Variants in NCOA6 observed in about 807,000 individuals in gnomAD.
NCOA6 encodes the protein nuclear receptor coactivator 6, also known as NRC RAP250.
In NCOA6, 49 loss-of-function variants were observed where a neutral mutation model predicts 171.4. That is an observed-to-expected ratio of 0.29 (90% CI 0.23 to 0.36). NCOA6 has a LOEUF of 0.36. Among genes scored for constraint, NCOA6 ranks in the 10% least tolerant of loss-of-function variants. The probability of loss-of-function intolerance (pLI) is 1.00; values close to 1 mark genes in which losing one functional copy is unlikely to be tolerated. For synonymous variants in NCOA6, 910 were observed against 927.5 expected (o/e 0.98, Z 0.34); for missense variants, 2,248 against 2,554.5 (o/e 0.88, Z 2.59).
chr20:34,782,082 A>T, intron 3 of NCOA6, 39 bp downstream of exon 3: 1 of 1,392,760 alleles, frequency 7.2e-7, no homozygotes, highest in Non-Finnish European at 9.8e-7. Flanking sequence ...AACATTTCAA[A>T]AACAGTAACA....
In NCOA6 at chr20:34,750,116, C is replaced by A. The variant is rs767774471; in HGVS notation, c.2079G>T (p.Ala693=). 21 of 1,614,116 alleles carry A rather than the reference C, an allele frequency of 1.3e-5. No homozygotes were observed. Among genetic ancestry groups the A allele is most frequent in the Non-Finnish European group, 1.8e-5 (21 of 1,180,016 alleles). The change falls in exon 9 of 15, where the codon GCG becomes GCT. Residue 693 remains alanine (A), a synonymous_variant. Transcript: ENST00000359003. ...GAGGCCCCATCATCTGGTTATGTGGCGCCATCATTTGTGGGCCCTGCTGGG... is the reference window on the plus strand; with the variant it reads ...GAGGCCCCATCATCTGGTTATGTGGAGCCATCATTTGTGGGCCCTGCTGGG... ...MLSQQGPQMM[A]PHNQMMGPQG...
intron 8 of NCOA6, among the ~76,000 whole-genome samples, chr20:34,751,817 C>T (rs1312765391): frequency 6.6e-6 from 1 of 152,170 alleles, no homozygotes; most frequent in African/African-American, 2.4e-5. Flanking sequence ...TAGCTACTTG[C>T]ATTATCTCCC....
At chr20:34,737,085 C>A (rs2075979799) in intron 11 of NCOA6, among the ~76,000 whole-genome samples, 1 of 152,038 alleles carries the variant, frequency 6.6e-6, no homozygotes, top group Admixed American at 6.6e-5. Flanking sequence ...TGAAAAAGCC[C>A]CAAAGCATAT....
Position 34,776,435 on chromosome 20 carries a change from T to C in NCOA6, c.249A>G (p.Leu83=). Residue 83 remains leucine (L), a synonymous_variant, in exon 4 of 15, where the codon CTA becomes CTG. Coordinates refer to ENST00000359003, the MANE Select transcript of NCOA6 (RefSeq NM_014071.5). ...PNLLHMESSK[L]KVQKVEPWNS... The stretch of plus-strand genomic sequence containing the variant: ...TCCAGGGCTCCACCTTCTGTACTTT[T>C]AGCTTGCTGGACTCTTGATTGTGAA... The C allele has an allele frequency of 3.1e-6, 5 of 1,614,044 alleles. No individual in the cohort carries two copies. Among genetic ancestry groups the C allele is most frequent in the Non-Finnish European group, 4.2e-6 (5 of 1,179,982 alleles).
intron 5 of NCOA6, among the ~76,000 whole-genome samples, chr20:34,764,548 T>C (rs1011755439): frequency 2.6e-5 from 4 of 151,122 alleles, no homozygotes; most frequent in Non-Finnish European, 5.9e-5. Flanking sequence ...TAGCCAGACA[T>C]GGTGGTGGGC....
intron 10 of NCOA6, among the ~76,000 whole-genome samples, chr20:34,744,983 T>C (rs1189102303): frequency 2.6e-5 from 4 of 151,824 alleles, no homozygotes; most frequent in Admixed American, 6.6e-5. Flanking sequence ...TGCTACAGAG[T>C]CCAGAAGCTG....
intron 8 of NCOA6, among the ~76,000 whole-genome samples, chr20:34,752,066 C>T (rs1262394012): frequency 6.6e-6 from 1 of 152,150 alleles, no homozygotes; most frequent in African/African-American, 2.4e-5. Context: ...GCATGTTGGT[C>T]AGGCTGGTCT....
At chr20:34,718,244 C>T (rs185774677) in intron 14 of NCOA6, among the ~76,000 whole-genome samples, 2 of 152,242 alleles carry the variant, frequency 1.3e-5, no homozygotes, top group South Asian at 4.1e-4. Flanking sequence ...ATCACCTTCC[C>T]TGGATAAATC....
chr20:34,750,140 G>T lies in NCOA6; in HGVS notation c.2055C>A (p.Ser685=), dbSNP rs755024381. 3.7e-6 allele frequency: 6 copies of T among 1,613,924 alleles called. No individual in the cohort carries two copies. In the African/African-American group the frequency reaches 8.0e-5, roughly 22 times the overall value. The stretch of plus-strand genomic sequence containing the variant: ...GCGCCATCATTTGTGGGCCCTGCTG[G>T]GAAAGCATCTGCTTGGGTGGGGTCA... ...QRMTPPKQML[S]QQGPQMMAPH... Residue 685 remains serine (S), a synonymous_variant, in exon 9 of 15, where the codon TCC becomes TCA. Coordinates refer to ENST00000359003, the MANE Select transcript of NCOA6 (RefSeq NM_014071.5).
chr20:34,715,179 A>G lies in NCOA6; in HGVS notation c.*143T>C. 3 of 1,067,958 alleles carry G rather than the reference A, an allele frequency of 2.8e-6. No homozygotes were observed. Among genetic ancestry groups the G allele is most frequent in the Non-Finnish European group, 4.2e-6 (3 of 721,782 alleles). The allele number at this position is 1,067,958 out of a possible 1,614,324, so 66.2% of individuals were successfully genotyped here. On this transcript the variant is annotated 3_prime_UTR_variant, in exon 15 of 15. Coordinates refer to ENST00000359003, the MANE Select transcript of NCOA6 (RefSeq NM_014071.5). ...CCTGCTTTCCCCATTGCACTTTATG[A>G]AACAGGTTGCAGGGACTAGGAAAAG...
intron 1 of NCOA6, among the ~76,000 whole-genome samples, chr20:34,816,288 T>C (rs959187268): frequency 1.3e-5 from 2 of 152,140 alleles, no homozygotes; most frequent in African/African-American, 4.8e-5. Flanking sequence ...AATATGTTAG[T>C]CTTAACTCTC....
At chr20:34,724,372 G>C (rs563081302) in intron 14 of NCOA6, among the ~76,000 whole-genome samples, 15 of 152,286 alleles carry the variant, frequency 9.8e-5, no homozygotes, top group African/African-American at 3.6e-4. Context: ...TGACATTCTT[G>C]CCTAGAGACA....
intron 3 of NCOA6, among the ~76,000 whole-genome samples, chr20:34,781,361 A>G (rs2146192512): frequency 6.6e-6 from 1 of 152,362 alleles, no homozygotes; most frequent in Middle Eastern, 3.4e-3. Flanking sequence ...AGAATAGAGA[A>G]CATCTAAATC....
intron 1 of NCOA6, among the ~76,000 whole-genome samples, chr20:34,799,964 T>C (rs895557853): frequency 2.6e-5 from 4 of 152,276 alleles, no homozygotes; most frequent in Admixed American, 2.6e-4. Context: ...AACACTGTAA[T>C]TGTAGTGTAT....
At chr20:34,751,526 G>C (rs534365790) in intron 8 of NCOA6, among the ~76,000 whole-genome samples, 1 of 152,116 alleles carries the variant, frequency 6.6e-6, no homozygotes, top group South Asian at 2.1e-4. Flanking sequence ...GCACTTCAAA[G>C]AAAATAACAC....
intron 13 of NCOA6, among the ~76,000 whole-genome samples, chr20:34,730,735 TAG>T (rs1990513103): frequency 7.2e-6 from 1 of 139,546 alleles, no homozygotes; most frequent in South Asian, 2.2e-4. Flanking sequence ...TTTTTTAAGA[TAG>T]AGTCTTACTC....
intron 1 of NCOA6, among the ~76,000 whole-genome samples, chr20:34,817,304 A>G (rs1443505161): frequency 6.6e-6 from 1 of 151,886 alleles, no homozygotes; most frequent in African/African-American, 2.4e-5. Flanking sequence ...ACAAACTGAA[A>G]TATCTGTTTA....
At position 34,749,723 on chromosome 20, in the gene NCOA6, T is replaced by A. The variant is rs1247444545; in HGVS notation, c.2472A>T (p.Gln824His). Reference protein sequence around the residue: ...LSQMMPDVSIQQTNMVPPHVQ... With the variant: ...LSQMMPDVSIHQTNMVPPHVQ... ...CATGAGGGGGGACCATGTTGGTTTG[T>A]TGAATGCTAACATCAGGCATCATCT... is the stretch of plus-strand genomic sequence containing the variant. The change falls in exon 9 of 15, where the codon CAA (glutamine) becomes CAT (histidine). Residue 824 changes from glutamine (Q) to histidine (H), a missense_variant. Gln to His is a conservative substitution (Grantham distance 24). Around this residue, in one of 7 missense-constraint regions of NCOA6, gnomAD observed 987 missense variants for 1,104.7 expected, o/e 0.89. Transcript: ENST00000359003. 6.2e-7 allele frequency: 1 copy of A among 1,614,112 alleles called. No individual in the cohort carries two copies. The highest frequency in any genetic ancestry group is 8.5e-7 in the Non-Finnish European group (1 of 1,180,052).
chr20:34,772,930 T>C (rs1373049898), intron 4 of NCOA6, among the ~76,000 whole-genome samples: 1 of 152,184 alleles, frequency 6.6e-6, no homozygotes, highest in Non-Finnish European at 1.5e-5. Flanking sequence ...AAATCACATA[T>C]TAATAAACAG....
Sources: allele counts gnomAD v4.1 joint callset (sites outside exome capture counted in the v4.1 genomes callset), GRCh38; gene constraint gnomAD v4.1.1; regional missense constraint gnomAD v4.1.1; transcripts MANE v1.5; gene names NCBI Gene and HGNC (gene_info 2026-07-23, HGNC 2026-07-21).